The following VPS54 variants were observed in gnomAD, a reference collection of about 807,000 sequenced individuals.
VPS54 encodes the protein vacuolar protein sorting-associated protein 54.
Under a neutral mutation model 121.5 loss-of-function variants are expected in VPS54, and 45 were observed. The ratio of observed to expected loss-of-function variants is 0.37; its 90% CI spans 0.29 to 0.47. The LOEUF (loss-of-function observed/expected upper bound fraction) is 0.47, where lower values mean the gene tolerates loss of function less well. Ranked by LOEUF, VPS54 falls within the 20% of genes least tolerant of loss-of-function variation. The pLI is 0.99. For synonymous variants in VPS54, 371 were observed against 385.8 expected, an observed-to-expected ratio of 0.96 and a Z score of 0.45; for missense variants, 1,090 against 1,131.4, an observed-to-expected ratio of 0.96 and a Z score of 0.52.
intron 7 of VPS54, among the ~76,000 whole-genome samples, chr2:63,958,451 T>G (rs895631144): frequency 1.3e-5 from 2 of 152,214 alleles, no homozygotes; most frequent in Non-Finnish European, 2.9e-5. Flanking sequence ...AACAGAGATT[T>G]GCATTTGTGG....
At chr2:63,981,207 G>A (rs988821062) in intron 3 of VPS54, among the ~76,000 whole-genome samples, 1 of 152,058 alleles carries the variant, frequency 6.6e-6, no homozygotes, top group Non-Finnish European at 1.5e-5. Context: ...CTCAGACAGG[G>A]TTTAAAGTAA....
chr2:63,897,361 AAC>A (rs1393143575), intron 22 of VPS54, 133 bp downstream of exon 22: 11 of 614,910 alleles, frequency 1.8e-5, no homozygotes, highest in Admixed American at 1.1e-4. Context: ...GGAAAAAAAA[AAC>A]ACAAAAGCTT....
intron 1 of VPS54, among the ~76,000 whole-genome samples, chr2:64,002,629 G>C (rs1343178034): frequency 2.0e-5 from 3 of 152,142 alleles, no homozygotes; most frequent in East Asian, 1.9e-4. Context: ...TAGAAACCTA[G>C]AAATATGCAG....
At chr2:63,919,001 C>T (rs1051138631) in intron 15 of VPS54, among the ~76,000 whole-genome samples, 27 of 151,838 alleles carry the variant, frequency 1.8e-4, no homozygotes, top group African/African-American at 4.1e-4. Flanking sequence ...GCATTTTGTG[C>T]GAATGTGAAG....
intron 12 of VPS54, among the ~76,000 whole-genome samples, chr2:63,924,048 T>C (rs1354542805): frequency 6.6e-6 from 1 of 152,216 alleles, no homozygotes; most frequent in African/African-American, 2.4e-5. Flanking sequence ...GAACCTATGC[T>C]TCATGCTGTA....
At chr2:63,977,738 T>A (rs554093633) in intron 3 of VPS54, among the ~76,000 whole-genome samples, 290 of 152,344 alleles carry the variant, frequency 1.9e-3, no homozygotes, top group South Asian at 4.1e-3. Context: ...TAAACAGTGT[T>A]TTCTGTCTGG....
chr2:63,970,208 T>TACACAC lies in VPS54; in HGVS notation c.458-1218_458-1217insGTGTGT, dbSNP rs200919139. On this transcript the variant is annotated intron_variant, in intron 4 of 22. Transcript: ENST00000272322. ...TTCTTTCCCATTAAAAAAAAATATATATATACACACACACACACACACACA... is the reference window on the plus strand; with the variant it reads ...TTCTTTCCCATTAAAAAAAAATATATACACACATATACACACACACACACACACACA... Among the ~76,000 whole-genome samples the TACACAC allele has an allele frequency of 8.1e-4, 79 of 97,682 alleles. 2 individuals carry two copies. The highest frequency in any genetic ancestry group is 1.6e-3 in the Admixed American group (16 of 9,994). The allele number at this position is 97,682 out of a possible 152,430, so 64.1% of individuals were successfully genotyped here.
At chr2:64,008,559 C>G (rs1329692428) in intron 1 of VPS54, among the ~76,000 whole-genome samples, 1 of 152,116 alleles carries the variant, frequency 6.6e-6, no homozygotes, top group Non-Finnish European at 1.5e-5. Flanking sequence ...AAAGGCACCT[C>G]AGGTTTATGT....
intron 1 of VPS54, among the ~76,000 whole-genome samples, chr2:63,996,516 G>A (rs1677600058): frequency 6.6e-6 from 1 of 152,170 alleles, no homozygotes; most frequent in Non-Finnish European, 1.5e-5. Context: ...TAACAGCGAT[G>A]TTCAGGGAAC....
At chr2:63,995,034 G>C (rs1045942970) in intron 1 of VPS54, among the ~76,000 whole-genome samples, 6 of 152,152 alleles carry the variant, frequency 3.9e-5, no homozygotes, top group African/African-American at 1.4e-4. Flanking sequence ...CCCCATCTGA[G>C]GCCTCGTATG....
Position 63,920,009 on chromosome 2 carries a change from AG to A in VPS54, c.2052-15del, listed in dbSNP as rs1470260432. 6.3e-7 allele frequency: 1 copy of A among 1,594,618 alleles called. No individual in the cohort carries two copies. The highest frequency in any genetic ancestry group is 8.5e-7 in the Non-Finnish European group (1 of 1,170,446). ...TCTAAGAGGAGGCTAGTCCACAGTAAGGAGAAAAGAAGGTAAACTTTAACAT... is the reference window on the plus strand; with the variant it reads ...TCTAAGAGGAGGCTAGTCCACAGTAAGAGAAAAGAAGGTAAACTTTAACAT... On this transcript the variant is annotated splice_polypyrimidine_tract_variant and intron_variant, in intron 14 of 22. Transcript: ENST00000272322.
Position 63,912,570 on chromosome 2 carries a change from G to T in VPS54, c.2514C>A (p.Ser838Arg). ...FEARLPPKQY[S>R]MLRHFDHITK... ...TGATATGATCAAAATGCCTAAGCAT[G>T]CTATATTGCTTAGGTGGTAGTCGAG... Residue 838 changes from serine (S) to arginine (R), a missense_variant, in exon 19 of 23, where the codon AGC (serine) becomes AGA (arginine). Physicochemically the swap from Ser to Arg is moderately radical, Grantham distance 110 (BLOSUM62 -1). Transcript: ENST00000272322. The T allele has an allele frequency of 1.2e-6, 2 of 1,609,500 alleles. No individual in the cohort carries two copies. Among genetic ancestry groups the T allele is most frequent in the Non-Finnish European group, 1.7e-6 (2 of 1,178,882 alleles).
intron 22 of VPS54, among the ~76,000 whole-genome samples, chr2:63,897,183 C>A (rs1459707771): frequency 1.3e-5 from 2 of 152,148 alleles, no homozygotes; most frequent in Non-Finnish European, 2.9e-5. Context: ...TTCACATGGT[C>A]ACACAGTAGG....
At chr2:63,974,954 T>C in intron 3 of VPS54, 4 of 1,539,910 alleles carry the variant, frequency 2.6e-6, no homozygotes, top group Admixed American at 2.0e-5. Flanking sequence ...CAAGACAATG[T>C]TAAAAGAAAC....
At chr2:63,963,262 T>C (rs1297926684) in intron 6 of VPS54, among the ~76,000 whole-genome samples, 1 of 152,122 alleles carries the variant, frequency 6.6e-6, no homozygotes, top group Non-Finnish European at 1.5e-5. Context: ...TTAGCTCATA[T>C]ATATTTTTTT....
At chr2:64,013,177 C>T (rs966842190) in intron 1 of VPS54, among the ~76,000 whole-genome samples, 4 of 152,160 alleles carry the variant, frequency 2.6e-5, no homozygotes, top group East Asian at 1.9e-4. Flanking sequence ...CTTGCATTAC[C>T]GATATAGTGA....
chr2:63,949,306 T>C, intron 7 of VPS54, 143 bp from the exon 8 acceptor site: 1 of 775,030 alleles, frequency 1.3e-6, no homozygotes. Context: ...TGAAGTCCTT[T>C]AACTTACCAA....
chr2:64,016,761 C>T (rs998202958), intron 1 of VPS54, among the ~76,000 whole-genome samples: 12 of 151,726 alleles, frequency 7.9e-5, no homozygotes, highest in African/African-American at 2.9e-4. Flanking sequence ...GGCGCTCACC[C>T]CCATGCCCGG....
At chr2:63,979,235 C>G (rs1171305949) in intron 3 of VPS54, among the ~76,000 whole-genome samples, 8 of 146,354 alleles carry the variant, frequency 5.5e-5, no homozygotes, top group Admixed American at 5.4e-4. Context: ...TTTCTTTTTT[C>G]TGTTTGTTTT....
Sources: gnomAD v4.1 joint callset for allele counts (sites outside exome capture counted in the v4.1 genomes callset) on GRCh38, gnomAD v4.1.1 for gene constraint, MANE v1.5 for transcripts, NCBI Gene and HGNC (gene_info 2026-07-23, HGNC 2026-07-21) for gene names.